The following DDX4 variants were observed in gnomAD, a reference collection of about 807,000 sequenced individuals.
The protein encoded by DDX4 is DEAD-box helicase 4, also known as probable ATP-dependent RNA helicase DDX4.
Under a neutral mutation model 100.0 loss-of-function variants are expected in DDX4, and 25 were observed. That is an observed-to-expected ratio of 0.25 (90% CI 0.18 to 0.35). The LOEUF (loss-of-function observed/expected upper bound fraction) is 0.35. Ranked by LOEUF, DDX4 falls within the 10% of genes least tolerant of loss-of-function variation. DDX4 has a pLI of 1.00. For synonymous variants in DDX4, 259 were observed against 275.7 expected (o/e 0.94, Z 0.60); for missense variants, 635 against 882.4 (o/e 0.72, Z 3.55).
At chr5:55,812,481 G>A (rs961232421) in intron 18 of DDX4, among the ~76,000 whole-genome samples, 11 of 151,908 alleles carry the variant, frequency 7.2e-5, no homozygotes, top group East Asian at 3.9e-4. Flanking sequence ...GGAGAATGGC[G>A]TGAACCCGGG....
intron 15 of DDX4, 131 bp from the exon 16 acceptor site, chr5:55,790,445 C>T: frequency 1.5e-6 from 1 of 678,188 alleles, no homozygotes; most frequent in Admixed American, 2.9e-5. Context: ...TGCACCCAGC[C>T]AGAATTTAAT....
intron 18 of DDX4, among the ~76,000 whole-genome samples, chr5:55,808,838 A>T (rs1743926861): frequency 6.6e-6 from 1 of 152,132 alleles, no homozygotes; most frequent in Admixed American, 6.5e-5. Flanking sequence ...TACTCTCTTC[A>T]AGGCTGTCAG....
chr5:55,746,882 C>A (rs985672723), intron 3 of DDX4, among the ~76,000 whole-genome samples: 1 of 152,156 alleles, frequency 6.6e-6, no homozygotes, highest in Non-Finnish European at 1.5e-5. Context: ...GAACTCATGG[C>A]AGTAGTTTTT....
intron 7 of DDX4, among the ~76,000 whole-genome samples, chr5:55,770,228 T>C (rs1741171758): frequency 6.6e-6 from 1 of 152,016 alleles, no homozygotes; most frequent in Non-Finnish European, 1.5e-5. Flanking sequence ...CCCTATGATC[T>C]CCAGAATGTG....
At chr5:55,740,007 C>T (rs903830891) in intron 2 of DDX4, among the ~76,000 whole-genome samples, 10 of 152,004 alleles carry the variant, frequency 6.6e-5, no homozygotes, top group Admixed American at 4.6e-4. Context: ...GGATTACAGG[C>T]GCAAGCCATT....
At chr5:55,767,827 A>G (rs1741018501) in intron 6 of DDX4, 54 bp from the exon 7 acceptor site, 1 of 1,346,038 alleles carries the variant, frequency 7.4e-7, no homozygotes. Flanking sequence ...TTCTTTATAT[A>G]TTGCATCATT....
At chr5:55,796,648 AT>A (rs1424536095) in intron 17 of DDX4, among the ~76,000 whole-genome samples, 2 of 151,916 alleles carry the variant, frequency 1.3e-5, no homozygotes, top group Non-Finnish European at 2.9e-5. Flanking sequence ...TACTAGAGCT[AT>A]TTCCTCTTGG....
chr5:55,791,734 G>A (rs1240437676), intron 16 of DDX4, among the ~76,000 whole-genome samples: 1 of 152,106 alleles, frequency 6.6e-6, no homozygotes, highest in African/African-American at 2.4e-5. Context: ...ATTTAAGAAT[G>A]ATAAAAATTC....
At chr5:55,801,616 T>G (rs1743313848) in intron 18 of DDX4, among the ~76,000 whole-genome samples, 2 of 152,280 alleles carry the variant, frequency 1.3e-5, no homozygotes, top group South Asian at 4.1e-4. Context: ...CATAATAATC[T>G]CAGAGATAGT....
intron 2 of DDX4, chr5:55,742,031 A>G (rs1759005221): frequency 2.7e-6 from 1 of 372,922 alleles, no homozygotes; most frequent in South Asian, 2.0e-5. Context: ...TATAATTTTG[A>G]AATAATTTGT....
At chr5:55,746,256 A>C in intron 3 of DDX4, 35 bp downstream of exon 3, 2 of 1,560,878 alleles carry the variant, frequency 1.3e-6, no homozygotes, top group Non-Finnish European at 1.7e-6. Flanking sequence ...AACCCTTTTT[A>C]GTTTAAGGGT....
chr5:55,787,908 T>C lies in DDX4; in HGVS notation c.1080T>C (p.Phe360=). 6.2e-7 allele frequency: 1 copy of C among 1,614,034 alleles called. No homozygotes were observed. Among genetic ancestry groups the C allele is most frequent in the Non-Finnish European group, 8.5e-7 (1 of 1,179,978 alleles). The stretch of plus-strand genomic sequence containing the variant: ...ATGATGGAATAACTGCCAGTCGTTT[T>C]AAAGAGTTGCAGGAACCAGAGTGTA... ...MMHDGITASR[F]KELQEPECII... The change falls in exon 15 of 22, where the codon TTT becomes TTC. Residue 360 remains phenylalanine, a synonymous_variant. Transcript: ENST00000505374.
intron 6 of DDX4, 83 bp from the exon 7 acceptor site, chr5:55,767,793 CTAATT>C (rs1741015372): frequency 1.1e-6 from 1 of 875,848 alleles, no homozygotes; most frequent in Non-Finnish European, 1.7e-6. Flanking sequence ...TGTCTTCTTA[CTAATT>C]TATCTTGTGA....
rs368880910 is a variant in DDX4, at chr5:55,753,249, G to A, written c.128-6951G>A. Among the ~76,000 whole-genome samples the A allele has an allele frequency of 9.9e-5, 15 of 152,272 alleles. 1 individual carries two copies. The East Asian group carries it at 2.3e-3, about 23-fold the overall frequency. On this transcript the variant is annotated intron_variant, in intron 3 of 21. Transcript: ENST00000505374. ...ATTGCCCTATGAAGTCCTTGCCCAT[G>A]CCTATGTCCTGAATGGTAATGCCTA... is the stretch of plus-strand genomic sequence containing the variant.
intron 16 of DDX4, among the ~76,000 whole-genome samples, chr5:55,792,370 C>CT (rs939689727): frequency 4.9e-5 from 7 of 144,180 alleles, no homozygotes; most frequent in Non-Finnish European, 7.7e-5. Flanking sequence ...TTATTTTTTT[C>CT]TTTTTTTTGA....
intron 17 of DDX4, among the ~76,000 whole-genome samples, chr5:55,795,782 C>T (rs1742895284): frequency 6.6e-6 from 1 of 151,996 alleles, no homozygotes; most frequent in African/African-American, 2.4e-5. Flanking sequence ...CTCAGTACAA[C>T]GTGGCAGTGA....
At chr5:55,772,740 T>C (rs938920408) in intron 7 of DDX4, among the ~76,000 whole-genome samples, 1 of 152,210 alleles carries the variant, frequency 6.6e-6, no homozygotes, top group Admixed American at 6.5e-5. Flanking sequence ...CTGCATCATA[T>C]GATCTCTGAA....
chr5:55,795,042 C>T (rs769724874), intron 17 of DDX4, among the ~76,000 whole-genome samples: 7 of 151,516 alleles, frequency 4.6e-5, no homozygotes, highest in Non-Finnish European at 8.8e-5. Context: ...CTCGGCTCAC[C>T]GCAACCTCCG....
chr5:55,748,957 T>TA (rs1401374287), intron 3 of DDX4, among the ~76,000 whole-genome samples: 12 of 152,264 alleles, frequency 7.9e-5, no homozygotes, highest in Non-Finnish European at 1.5e-4. Context: ...TTCATGCTCT[T>TA]AAAATTGTAT....
Sources: gnomAD v4.1 joint callset for allele counts (sites outside exome capture counted in the v4.1 genomes callset) on GRCh38, gnomAD v4.1.1 for gene constraint, MANE v1.5 for transcripts, NCBI Gene and HGNC (gene_info 2026-07-23, HGNC 2026-07-21) for gene names.